CASP8: variants seen among roughly 807,000 people sequenced by gnomAD.
CASP8 encodes caspase 8.
A neutral mutation model predicts 46.3 loss-of-function variants in CASP8; 24 were observed. The observed-to-expected ratio is 0.52, with a 90% confidence interval of 0.38 to 0.73. The LOEUF (loss-of-function observed/expected upper bound fraction) is 0.73. Ranked by LOEUF, CASP8 falls within the 30% of genes least tolerant of loss-of-function variation. The probability of loss-of-function intolerance (pLI) is 0.00; values close to 1 mark genes in which losing one functional copy is unlikely to be tolerated. For synonymous variants in CASP8, 188 were observed against 200.4 expected (o/e 0.94, Z 0.52); for missense variants, 460 against 559.0 (o/e 0.82, Z 1.79).
At chr2:201,260,130 T>G (rs1276876227), upstream of CASP8, among the ~76,000 whole-genome samples, 2 of 152,028 alleles carry the variant, frequency 1.3e-5, no homozygotes, top group Non-Finnish European at 2.9e-5. Flanking sequence ...GGCTCTGCAG[T>G]GTCCAATCTC....
At chr2:201,262,695 A>G (rs567401682) in intron 1 of CASP8, among the ~76,000 whole-genome samples, 1 of 152,330 alleles carries the variant, frequency 6.6e-6, no homozygotes, top group South Asian at 2.1e-4. Context: ...CAAAAATACA[A>G]GTACATTGTT....
rs1331574285 is a variant in CASP8 at position 201,284,278 on chromosome 2, G to A, written c.803-538G>A. The stretch of plus-strand genomic sequence containing the variant: ...CGCTCCTCACTTCCCAGACGGCGTG[G>A]CGGCCGGGCAGAGGCTGCAATCTCG... On this transcript the variant is annotated intron_variant, in intron 7 of 8. Coordinates refer to ENST00000673742, the MANE Select transcript of CASP8 (RefSeq NM_001372051.1). Among the ~76,000 whole-genome samples, 2 of 58,614 alleles carry A rather than the reference G, an allele frequency of 3.4e-5. 1 individual carries two copies. Among genetic ancestry groups the A allele is most frequent in the Non-Finnish European group, 7.1e-5 (2 of 28,336 alleles). 38.5% of individuals were successfully genotyped at this position (58,614 alleles called of 152,430 possible). A position where few individuals can be genotyped will look rare whatever the true frequency, so the allele number is the denominator to read the frequency against.
chr2:201,265,955 A>G (rs1018987802), intron 1 of CASP8, among the ~76,000 whole-genome samples: 15 of 148,274 alleles, frequency 1.0e-4, no homozygotes, highest in African/African-American at 2.7e-4. Flanking sequence ...CCCTCTAACC[A>G]TTGGCTTGTT....
chr2:201,239,984 C>T (rs1946235704), intron 2 of CASP8, among the ~76,000 whole-genome samples: 1 of 152,190 alleles, frequency 6.6e-6, no homozygotes, highest in African/African-American at 2.4e-5. Flanking sequence ...CTTCTAGTTA[C>T]CTCTGCATCT....
chr2:201,243,910 G>A (rs915492594), intron 2 of CASP8, among the ~76,000 whole-genome samples: 1 of 152,156 alleles, frequency 6.6e-6, no homozygotes, highest in Non-Finnish European at 1.5e-5. Context: ...GAAGGGTCGG[G>A]GGGCAGCAAT....
At chr2:201,281,750 A>G in intron 7 of CASP8, 1 of 839,948 alleles carries the variant, frequency 1.2e-6, no homozygotes. Context: ...GTAAGCCTAA[A>G]TGATAGCTTA....
chr2:201,257,343 G>T (rs1040881901), upstream of CASP8, among the ~76,000 whole-genome samples: 1 of 150,792 alleles, frequency 6.6e-6, no homozygotes, highest in African/African-American at 2.4e-5. Flanking sequence ...TTAGCCGGGG[G>T]TGGTGGTGGG....
intron 2 of CASP8, among the ~76,000 whole-genome samples, chr2:201,235,988 T>A (rs1946031069): frequency 6.6e-6 from 1 of 152,222 alleles, no homozygotes; most frequent in African/African-American, 2.4e-5. Context: ...CTATACCATC[T>A]AGGTTTTGCA....
chr2:201,271,327 C>T (rs1405380342), intron 2 of CASP8, among the ~76,000 whole-genome samples, 189 bp from the exon 3 acceptor site: 2 of 152,066 alleles, frequency 1.3e-5, no homozygotes, highest in African/African-American at 2.4e-5. Flanking sequence ...GTGGGAAAGT[C>T]GGGGAGGAGC....
chr2:201,266,597 C>A lies in CASP8; in HGVS notation c.111C>A (p.Pro37=). 1 of 1,614,222 alleles carries A rather than the reference C, an allele frequency of 6.2e-7. No individual in the cohort carries two copies. Among genetic ancestry groups the A allele is most frequent in the Admixed American group, 1.7e-5 (1 of 60,024 alleles). ...LDYIPQRKQE[P]IKDALMLFQR... Reference sequence around the variant, plus strand: ...ACATTCCGCAAAGGAAGCAAGAACCCATCAAGGATGCCTTGATGTTATTCC... The same window carrying A: ...ACATTCCGCAAAGGAAGCAAGAACCAATCAAGGATGCCTTGATGTTATTCC... The change falls in exon 2 of 9, where the codon CCC becomes CCA. Residue 37 remains proline, a synonymous_variant. Transcript: ENST00000673742. This position sits in a 1 kb window ranked among gnomAD's most constrained non-coding sequence, Gnocchi z 5.7.
intron 7 of CASP8, chr2:201,281,740 G>A: frequency 1.4e-6 from 1 of 725,202 alleles, no homozygotes; most frequent in Non-Finnish European, 2.1e-6. Context: ...TGGTTCAGTA[G>A]TAAGCCTAAA....
intron 2 of CASP8, among the ~76,000 whole-genome samples, chr2:201,249,879 G>A (rs1946702839): frequency 1.3e-5 from 2 of 152,208 alleles, no homozygotes; most frequent in South Asian, 4.1e-4. Context: ...TATTGTAGGG[G>A]AGGGCAAATC....
rs1191559171 is a variant in CASP8 at position 201,266,305 on chromosome 2, C to T, written c.-26-156C>T. Among the ~76,000 whole-genome samples, 1 of 152,246 alleles carries T rather than the reference C, an allele frequency of 6.6e-6. No individual in the cohort carries two copies. Among genetic ancestry groups the T allele is most frequent in the East Asian group, 1.9e-4 (1 of 5,204 alleles). ...TTGGCTTGTTTGTATGTCTACCTTC[C>T]TAAACAGTAAGAGGGAACTTGTCTG... On this transcript the variant is annotated intron_variant, in intron 1 of 8. Transcript: ENST00000673742. The surrounding 1 kb of genome is among the most constrained non-coding windows in gnomAD (Gnocchi z 5.7).
At chr2:201,279,170 C>T (rs1009542435) in intron 7 of CASP8, among the ~76,000 whole-genome samples, 3 of 152,174 alleles carry the variant, frequency 2.0e-5, no homozygotes, top group African/African-American at 7.2e-5. Context: ...CTTTGAAAGC[C>T]TATATAAGCC....
chr2:201,269,433 C>G, intron 2 of CASP8: 1 of 933,036 alleles, frequency 1.1e-6, no homozygotes, highest in Admixed American at 2.0e-5. Flanking sequence ...GCCAGTTAGT[C>G]CTAAAAACCC....
chr2:201,273,477 G>T (rs567581625), intron 5 of CASP8, among the ~76,000 whole-genome samples: 1 of 151,866 alleles, frequency 6.6e-6, no homozygotes, highest in Non-Finnish European at 1.5e-5. Flanking sequence ...TCTCCTTGAC[G>T]TGCTGCTCAT....
intron 7 of CASP8, among the ~76,000 whole-genome samples, chr2:201,283,179 C>T (rs1485922329): frequency 1.3e-4 from 9 of 67,066 alleles, no homozygotes; most frequent in Admixed American, 1.0e-3. Context: ...CGGGCAGAGG[C>T]GCCCCTCACC....
intron 2 of CASP8, among the ~76,000 whole-genome samples, chr2:201,235,858 G>C (rs552652778): frequency 7.9e-5 from 12 of 152,266 alleles, no homozygotes; most frequent in African/African-American, 2.9e-4. Context: ...GATATATTTA[G>C]ATATGCAAAT....
intron 1 of CASP8, among the ~76,000 whole-genome samples, chr2:201,261,284 G>A (rs1205194761): frequency 1.3e-5 from 2 of 151,668 alleles, no homozygotes; most frequent in South Asian, 2.1e-4. Context: ...CCAGCTACTC[G>A]GGAGGCTGAG....
Sources: gnomAD v4.1 joint callset for allele counts (sites outside exome capture counted in the v4.1 genomes callset) on GRCh38, gnomAD v4.1.1 for gene constraint, Gnocchi (gnomAD v3.1) non-coding constraint, MANE v1.5 for transcripts, NCBI Gene and HGNC (gene_info 2026-07-23, HGNC 2026-07-21) for gene names.